RAB3C: variants seen among roughly 807,000 people sequenced by gnomAD.
The protein encoded by RAB3C is ras-related protein Rab-3C.
Under a neutral mutation model 26.4 loss-of-function variants are expected in RAB3C, and 17 were observed. The ratio of observed to expected loss-of-function variants is 0.64; its 90% confidence interval spans 0.44 to 0.97. The LOEUF (loss-of-function observed/expected upper bound fraction) is 0.97, where lower values mean the gene tolerates loss of function less well. RAB3C is among the 50% of genes least tolerant of loss of function. RAB3C has a pLI of 0.00. For synonymous variants in RAB3C, 91 were observed against 95.9 expected (o/e 0.95, Z 0.30); for missense variants, 242 against 281.9 (o/e 0.86, Z 1.01).
At chr5:58,585,860 A>T (rs1193356724) in intron 1 of RAB3C, among the ~76,000 whole-genome samples, 1 of 152,106 alleles carries the variant, frequency 6.6e-6, no homozygotes, top group African/African-American at 2.4e-5. Context: ...TAATCTAAAT[A>T]ACCAGGAATA....
intron 3 of RAB3C, among the ~76,000 whole-genome samples, chr5:58,739,043 G>C (rs142819686): frequency 1.3e-5 from 2 of 152,278 alleles, no homozygotes; most frequent in Non-Finnish European, 1.5e-5. Flanking sequence ...TATAATGATT[G>C]CTTTAAAGCA....
intron 1 of RAB3C, among the ~76,000 whole-genome samples, chr5:58,605,219 C>G (rs2111694213): frequency 6.6e-6 from 1 of 152,236 alleles, no homozygotes; most frequent in East Asian, 1.9e-4. Flanking sequence ...TCTGTGGGTC[C>G]TCTCAGAATT....
At chr5:58,642,314 G>A (rs368447770) in intron 2 of RAB3C, among the ~76,000 whole-genome samples, 1 of 152,108 alleles carries the variant, frequency 6.6e-6, no homozygotes, top group Non-Finnish European at 1.5e-5. Flanking sequence ...GGTTGTACAC[G>A]GTAGCACCAA....
intron 3 of RAB3C, among the ~76,000 whole-genome samples, chr5:58,800,689 T>C (rs1742787275): frequency 6.6e-6 from 1 of 152,156 alleles, no homozygotes; most frequent in South Asian, 2.1e-4. Context: ...TGTGGGGGAC[T>C]GTCGACATTC....
chr5:58,585,716 A>C (rs1745996239), intron 1 of RAB3C, among the ~76,000 whole-genome samples: 3 of 152,128 alleles, frequency 2.0e-5, no homozygotes, highest in Admixed American at 6.5e-5. Flanking sequence ...TGTTCGAGGT[A>C]GTTATCTTTG....
chr5:58,724,839 C>A (rs2111918230), intron 2 of RAB3C, among the ~76,000 whole-genome samples: 1 of 151,760 alleles, frequency 6.6e-6, no homozygotes, highest in South Asian at 2.1e-4. Flanking sequence ...ACTTTAACTC[C>A]ATCCTCCCAC....
chr5:58,619,224 A>T (rs1001662988), intron 2 of RAB3C, among the ~76,000 whole-genome samples: 1 of 152,206 alleles, frequency 6.6e-6, no homozygotes, highest in African/African-American at 2.4e-5. Flanking sequence ...TTGTACAAGT[A>T]GACCTTAGGC....
rs964132021 is a variant in RAB3C at position 58,858,775 on chromosome 5, AC to A, written c.*7426del. On this transcript the variant is annotated 3_prime_UTR_variant, in exon 5 of 5. Coordinates refer to ENST00000282878, the MANE Select transcript of RAB3C (RefSeq NM_138453.4). ...TCAAATTACCCCAGTTTAGCTCCCTACCTTTTAGTCTCCGTGAGGAAGACAA... is the reference window on the plus strand; with the variant it reads ...TCAAATTACCCCAGTTTAGCTCCCTACTTTTAGTCTCCGTGAGGAAGACAA... 2.0e-5 allele frequency: 3 copies of A among 152,164 alleles called. No individual in the cohort carries two copies. The highest frequency in any genetic ancestry group is 7.2e-5 in the African/African-American group (3 of 41,446). The allele number at this position is 152,164 out of a possible 1,614,324, so 9.4% of individuals were successfully genotyped here.
chr5:58,834,774 G>T (rs1197697107), intron 4 of RAB3C, among the ~76,000 whole-genome samples: 1 of 152,200 alleles, frequency 6.6e-6, no homozygotes, highest in East Asian at 1.9e-4. Context: ...GTTTGGGTTG[G>T]TTTAGGTGTG....
chr5:58,804,792 A>G (rs953494787), intron 3 of RAB3C, among the ~76,000 whole-genome samples: 35 of 152,130 alleles, frequency 2.3e-4, no homozygotes, highest in African/African-American at 8.5e-4. Flanking sequence ...ACACCCACAT[A>G]TAGGAACCAT....
chr5:58,848,577 A>G (rs1481046486), intron 4 of RAB3C: 1 of 152,312 alleles, frequency 6.6e-6, no homozygotes, highest in South Asian at 2.1e-4. Context: ...GGTACCTACT[A>G]ATGGATAAAA....
intron 3 of RAB3C, among the ~76,000 whole-genome samples, chr5:58,802,510 A>T (rs1742833649): frequency 6.6e-6 from 1 of 152,248 alleles, no homozygotes; most frequent in Non-Finnish European, 1.5e-5. Context: ...AAGAATGACA[A>T]TAATTAGACT....
chr5:58,700,881 T>G (rs1469667911), intron 2 of RAB3C, among the ~76,000 whole-genome samples: 1 of 152,212 alleles, frequency 6.6e-6, no homozygotes, highest in Non-Finnish European at 1.5e-5. Context: ...AAAAATGCTA[T>G]GGTAACATTG....
chr5:58,769,124 T>C (rs1390970117), intron 3 of RAB3C, among the ~76,000 whole-genome samples: 1 of 151,424 alleles, frequency 6.6e-6, no homozygotes, highest in Non-Finnish European at 1.5e-5. Flanking sequence ...TTTTGGGCCC[T>C]GAGCTTCTCG....
At chr5:58,794,969 T>C (rs908716903) in intron 3 of RAB3C, among the ~76,000 whole-genome samples, 2 of 152,202 alleles carry the variant, frequency 1.3e-5, no homozygotes, top group Non-Finnish European at 2.9e-5. Flanking sequence ...ATTATTGATA[T>C]GGTTTGGCTG....
intron 2 of RAB3C, among the ~76,000 whole-genome samples, chr5:58,712,035 G>T (rs942279660): frequency 3.3e-5 from 5 of 152,252 alleles, no homozygotes; most frequent in African/African-American, 9.6e-5. Flanking sequence ...CCATGATTGT[G>T]ATTTTCGTGT....
chr5:58,654,447 G>A (rs1011339299), intron 2 of RAB3C, among the ~76,000 whole-genome samples: 1 of 152,126 alleles, frequency 6.6e-6, no homozygotes, highest in Non-Finnish European at 1.5e-5. Context: ...GAGTATATAT[G>A]TGATTATGCC....
Position 58,809,653 on chromosome 5 carries a change from GTAAT to G in RAB3C, c.372-15382_372-15379del, listed in dbSNP as rs1480171175. Among the ~76,000 whole-genome samples the G allele has an allele frequency of 2.6e-5, 4 of 152,276 alleles. No homozygotes were observed. The East Asian group carries it at 7.7e-4, about 29-fold the overall frequency. On this transcript the variant is annotated intron_variant, in intron 3 of 4. Transcript: ENST00000282878. ...TATTTGGAGGTCAAGCCTCTGAGAG[GTAAT>G]TAGTTTTAAACACGGTCATGTGGGT...
chr5:58,845,019 G>A (rs1743957695), intron 4 of RAB3C, among the ~76,000 whole-genome samples: 1 of 151,516 alleles, frequency 6.6e-6, no homozygotes, highest in African/African-American at 2.5e-5. Context: ...GGAGAAAGCG[G>A]GGGAAGAGGT....
Sources: gnomAD v4.1 joint callset for allele counts (sites outside exome capture counted in the v4.1 genomes callset) on GRCh38, gnomAD v4.1.1 for gene constraint, MANE v1.5 for transcripts, NCBI Gene and HGNC (gene_info 2026-07-23, HGNC 2026-07-21) for gene names.